Variants in INTS2 observed in about 807,000 individuals in gnomAD.
The protein encoded by INTS2 is KIAA1287.
In INTS2, 57 loss-of-function variants were observed where a neutral mutation model predicts 139.6. The ratio of observed to expected loss-of-function variants is 0.41; its 90% CI spans 0.33 to 0.51. The LOEUF is 0.51. Among genes scored for constraint, INTS2 ranks in the 20% least tolerant of loss-of-function variants. The pLI, the probability that INTS2 is intolerant of heterozygous loss-of-function variation, is 0.28. For missense variants in INTS2, 1,196 were observed against 1,436.7 expected, an observed-to-expected ratio of 0.83 and a Z score of 2.71; for synonymous variants, 473 against 493.4, an observed-to-expected ratio of 0.96 and a Z score of 0.55.
At chr17:61,921,684 G>T in intron 4 of INTS2, 41 bp downstream of exon 4, 1 of 987,494 alleles carries the variant, frequency 1.0e-6, no homozygotes, top group Non-Finnish European at 1.5e-6. Flanking sequence ...CATTTAACAA[G>T]AAACTATATA....
In INTS2 at chr17:61,889,837, A is replaced by C; in HGVS notation, c.1933T>G (p.Tyr645Asp). 6.2e-7 allele frequency: 1 copy of C among 1,612,474 alleles called. No homozygotes were observed. The highest frequency in any genetic ancestry group is 8.5e-7 in the Non-Finnish European group (1 of 1,178,830). The change falls in exon 15 of 25, where the codon TAC (tyrosine) becomes GAC (aspartate). Residue 645 changes from tyrosine (Y) to aspartate (D), a missense_variant. Coordinates refer to ENST00000251334, the MANE Select transcript of INTS2 (RefSeq NM_001351695.2). ...FSITAQLLVL[Y>D]YILSYEEALL... ...GCCTCTTCATAAGACAGTATATAGT[A>C]GAGCACCAAAAGCTGTGCTGTGATA...
At chr17:61,892,111 A>T (rs1294415585) in intron 13 of INTS2, among the ~76,000 whole-genome samples, 3 of 152,116 alleles carry the variant, frequency 2.0e-5, no homozygotes, top group Non-Finnish European at 1.5e-5. Context: ...CTTACAGGAG[A>T]CTTATCACTT....
chr17:61,900,409 A>C (rs904045722), intron 9 of INTS2, among the ~76,000 whole-genome samples: 1 of 152,250 alleles, frequency 6.6e-6, no homozygotes, highest in African/African-American at 2.4e-5. Context: ...AAAATCATGC[A>C]TCTGAATTAA....
chr17:61,867,668 A>C lies in INTS2; in HGVS notation c.3480T>G (p.Ser1160=). Residue 1160 remains serine, a synonymous_variant, in exon 25 of 25, where the codon TCT becomes TCG. Coordinates refer to ENST00000251334, the MANE Select transcript of INTS2 (RefSeq NM_001351695.2). The surrounding 1 kb of genome is among the most constrained non-coding windows in gnomAD (Gnocchi z 5.6). ...CAGTGTCCCTGGATCCATTTTTATAAGATGAATCTTTACAGATTTGAGACC... is the reference window on the plus strand; with the variant it reads ...CAGTGTCCCTGGATCCATTTTTATACGATGAATCTTTACAGATTTGAGACC... ...SGWSQICKDS[S]YKNGSRDTGS... is the part of the protein sequence containing the mutation. 6.2e-7 allele frequency: 1 copy of C among 1,612,694 alleles called. No homozygotes were observed. The highest frequency in any genetic ancestry group is 1.1e-5 in the South Asian group (1 of 90,928).
At chr17:61,874,411 T>C (rs1466843447) in intron 19 of INTS2, among the ~76,000 whole-genome samples, 1 of 152,192 alleles carries the variant, frequency 6.6e-6, no homozygotes, top group African/African-American at 2.4e-5. Context: ...AGATTAATGA[T>C]AGGAATTAAC....
At chr17:61,874,588 T>A (rs1409569056) in intron 19 of INTS2, among the ~76,000 whole-genome samples, 2 of 152,158 alleles carry the variant, frequency 1.3e-5, no homozygotes, top group Non-Finnish European at 2.9e-5. Flanking sequence ...ACCAGTTTTT[T>A]AAAAACCTTT....
chr17:61,903,955 G>A (rs1427570142), intron 9 of INTS2, among the ~76,000 whole-genome samples: 1 of 152,040 alleles, frequency 6.6e-6, no homozygotes, highest in Non-Finnish European at 1.5e-5. Context: ...AGATGTAGCA[G>A]TAAAACACAA....
In INTS2 at chr17:61,868,996, T is replaced by C; in HGVS notation, c.3244+38A>G. 8.6e-7 allele frequency: 1 copy of C among 1,164,042 alleles called. No individual in the cohort carries two copies. The highest frequency in any genetic ancestry group is 1.3e-6 in the Non-Finnish European group (1 of 783,598). 72.1% of individuals were successfully genotyped at this position (1,164,042 alleles called of 1,614,324 possible). On this transcript the variant is annotated intron_variant, in intron 23 of 24. Coordinates refer to ENST00000251334, the MANE Select transcript of INTS2 (RefSeq NM_001351695.2). The surrounding 1 kb of genome is among the most constrained non-coding windows in gnomAD (Gnocchi z 4.7). ...CAGAAAATATAGGAACTATAATAAT[T>C]TATGTCAGATGTTTGTTGATGTTGA...
chr17:61,925,559 A>G (rs552896676), intron 2 of INTS2, among the ~76,000 whole-genome samples: 3 of 152,204 alleles, frequency 2.0e-5, no homozygotes, highest in South Asian at 2.1e-4. Context: ...CCTGGGCAAC[A>G]GGGCAAGACT....
chr17:61,889,883 G>A lies in INTS2; in HGVS notation c.1887C>T (p.Ile629=), dbSNP rs2145925352. ...IFQGVIGGDN[I]RLNQRFSITA... is the part of the protein sequence containing the mutation. Reference sequence around the variant, plus strand: ...TGATACTGAAACGCTGATTAAGGCGGATGTTGTCACCCTGGAGGTAATATT... The same window carrying A: ...TGATACTGAAACGCTGATTAAGGCGAATGTTGTCACCCTGGAGGTAATATT... Residue 629 remains isoleucine, a synonymous_variant, in exon 15 of 25, where the codon ATC becomes ATT. Coordinates refer to ENST00000251334, the MANE Select transcript of INTS2 (RefSeq NM_001351695.2). 5.6e-6 allele frequency: 9 copies of A among 1,605,204 alleles called. No homozygotes were observed. Among genetic ancestry groups the A allele is most frequent in the Non-Finnish European group, 7.7e-6 (9 of 1,173,082 alleles).
At position 61,912,035 on chromosome 17, in the gene INTS2, C is replaced by G. The variant is rs776543465; in HGVS notation, c.685G>C (p.Asp229His). 6.2e-7 allele frequency: 1 copy of G among 1,613,794 alleles called. No individual in the cohort carries two copies. Among genetic ancestry groups the G allele is most frequent in the South Asian group, 1.1e-5 (1 of 91,064 alleles). ...RGLIKNGERQ[D>H]EESLGGRRRT... is the part of the protein sequence containing the mutation. ...CGCCTTCCTCCAAGACTTTCTTCAT[C>G]TTGTCGTTCTCCATTTTTTATCAGG... The change falls in exon 6 of 25, where the codon GAT becomes CAT. Residue 229 changes from aspartate (D) to histidine (H), a missense_variant. Coordinates refer to ENST00000251334, the MANE Select transcript of INTS2 (RefSeq NM_001351695.2).
At chr17:61,885,198 G>T in intron 15 of INTS2, 193 bp from the exon 16 acceptor site, 1 of 555,530 alleles carries the variant, frequency 1.8e-6, no homozygotes. Context: ...CATACCTGGA[G>T]CAAGATCTGG....
chr17:61,893,229 T>A lies in INTS2; in HGVS notation c.1698+536A>T, dbSNP rs2145930366. ...TGAAAATCTTACATTGTTTTAAAAA[T>A]CTGAAATTACTGTATAATTATATAA... On this transcript the variant is annotated intron_variant, in intron 13 of 24. Coordinates refer to ENST00000251334, the MANE Select transcript of INTS2 (RefSeq NM_001351695.2). The surrounding 1 kb of genome is among the most constrained non-coding windows in gnomAD (Gnocchi z 5.4). 6.6e-6 allele frequency among the ~76,000 whole-genome samples: 1 copy of A among 152,188 alleles called. No homozygotes were observed. Among genetic ancestry groups the A allele is most frequent in the East Asian group, 1.9e-4 (1 of 5,192 alleles).
intron 9 of INTS2, among the ~76,000 whole-genome samples, chr17:61,901,698 C>T (rs2079408258): frequency 6.8e-6 from 1 of 146,268 alleles, no homozygotes; most frequent in South Asian, 2.2e-4. Flanking sequence ...CTCCCAGGTT[C>T]ACGCCATTCT....
chr17:61,917,786 C>A (rs1012281619), intron 5 of INTS2, among the ~76,000 whole-genome samples: 1 of 151,230 alleles, frequency 6.6e-6, no homozygotes, highest in Non-Finnish European at 1.5e-5. Flanking sequence ...AATAAAACTT[C>A]GAATTTTTTT....
intron 17 of INTS2, among the ~76,000 whole-genome samples, chr17:61,879,740 T>C (rs1017578482): frequency 2.6e-5 from 4 of 152,000 alleles, no homozygotes; most frequent in African/African-American, 4.8e-5. Context: ...TCTCAGGTAC[T>C]GGGGAAGCTG....
In INTS2 at chr17:61,927,790, G is replaced by A; in HGVS notation, c.-155C>T. On this transcript the variant is annotated 5_prime_UTR_variant, in exon 1 of 25. Transcript: ENST00000251334. ...GAACCCCAAACCCTAGTTGTGCCTCGAGTCGACTCGGACACCAAGAACTCA... is the reference window on the plus strand; with the variant it reads ...GAACCCCAAACCCTAGTTGTGCCTCAAGTCGACTCGGACACCAAGAACTCA... The A allele has an allele frequency of 1.3e-6, 2 of 1,598,000 alleles. No individual in the cohort carries two copies. The highest frequency in any genetic ancestry group is 2.2e-5 in the South Asian group (2 of 89,244).
chr17:61,918,991 C>A lies in INTS2; in HGVS notation c.649+409G>T, dbSNP rs532725869. Reference sequence around the variant, plus strand: ...CCAGGCCGGAGTGCAGTGGTGCGATCTCGACTCACTGCAACCTCCACCTCC... The same window carrying A: ...CCAGGCCGGAGTGCAGTGGTGCGATATCGACTCACTGCAACCTCCACCTCC... On this transcript the variant is annotated intron_variant, in intron 5 of 24. Coordinates refer to ENST00000251334, the MANE Select transcript of INTS2 (RefSeq NM_001351695.2). 1.5e-4 allele frequency among the ~76,000 whole-genome samples: 21 copies of A among 144,404 alleles called. 1 individual carries two copies. The South Asian group carries it at 4.4e-3, about 30-fold the overall frequency. 94.7% of individuals were successfully genotyped at this position (144,404 alleles called of 152,430 possible).
In INTS2 at chr17:61,889,768, C is replaced by A. The variant is rs777889196; in HGVS notation, c.1984+18G>T. The A allele has an allele frequency of 8.7e-6, 11 of 1,260,968 alleles. No individual in the cohort carries two copies. The highest frequency in any genetic ancestry group is 1.0e-5 in the Non-Finnish European group (9 of 868,870). 78.1% of individuals were successfully genotyped at this position (1,260,968 alleles called of 1,614,324 possible). On this transcript the variant is annotated intron_variant, in intron 15 of 24. Transcript: ENST00000251334. ...AAAATAAACTACCACTAGAACCACT[C>A]CTCTACGTACAACTTACCTAAAGTC... is the stretch of plus-strand genomic sequence containing the variant.
Sources: gnomAD v4.1 joint callset for allele counts (sites outside exome capture counted in the v4.1 genomes callset) on GRCh38, gnomAD v4.1.1 for gene constraint, Gnocchi (gnomAD v3.1) non-coding constraint, MANE v1.5 for transcripts, NCBI Gene and HGNC (gene_info 2026-07-23, HGNC 2026-07-21) for gene names.